Variants in EVA1A observed in about 807,000 individuals in gnomAD.
EVA1A encodes the protein protein eva-1 homolog A.
Under a neutral mutation model 9.8 loss-of-function variants are expected in EVA1A, and 7 were observed. The ratio of observed to expected loss-of-function variants is 0.71; its 90% CI spans 0.41 to 1.34. The LOEUF (loss-of-function observed/expected upper bound fraction) is 1.34, where lower values mean the gene tolerates loss of function less well. Among genes scored for constraint, EVA1A ranks in the 40% most tolerant of loss-of-function variants. EVA1A has a pLI of 0.01. For missense variants in EVA1A, 206 were observed against 205.9 expected (o/e 1.00, Z 0.00); for synonymous variants, 90 against 85.6 (o/e 1.05, Z -0.28).
At chr2:75,539,682 C>T (rs1005984791) in intron 1 of EVA1A, among the ~76,000 whole-genome samples, 1 of 152,002 alleles carries the variant, frequency 6.6e-6, no homozygotes, top group African/African-American at 2.4e-5. Flanking sequence ...TTCTTAAGTT[C>T]ATATAACCTT....
chr2:75,512,010 G>A (rs913393281), intron 3 of EVA1A, among the ~76,000 whole-genome samples: 1 of 151,838 alleles, frequency 6.6e-6, no homozygotes, highest in Non-Finnish European at 1.5e-5. Context: ...TAAGGAGAAG[G>A]TGATTTATTT....
chr2:75,493,169 C>A lies in EVA1A; in HGVS notation c.*67G>T. 1.0e-5 allele frequency: 16 copies of A among 1,533,054 alleles called. No individual in the cohort carries two copies. Among genetic ancestry groups the A allele is most frequent in the Non-Finnish European group, 1.3e-5 (15 of 1,140,688 alleles). The allele number at this position is 1,533,054 out of a possible 1,614,324, so 95.0% of individuals were successfully genotyped here. On this transcript the variant is annotated 3_prime_UTR_variant, in exon 4 of 4. Transcript: ENST00000393913. ...GCAGAGCTGGGTTCAGTTCCTTGTG[C>A]CCACTGTCCCTGCAGACGCTCTCCT...
At chr2:75,528,953 C>T (rs935521019) in intron 1 of EVA1A, among the ~76,000 whole-genome samples, 1 of 152,210 alleles carries the variant, frequency 6.6e-6, no homozygotes, top group Non-Finnish European at 1.5e-5. Context: ...ACCAGAGGTC[C>T]TGAATCTGTC....
At chr2:75,553,793 C>T (rs1676608171) in intron 1 of EVA1A, among the ~76,000 whole-genome samples, 1 of 152,184 alleles carries the variant, frequency 6.6e-6, no homozygotes, top group Non-Finnish European at 1.5e-5. Context: ...CCATTCCTGC[C>T]CTGTGTGACT....
rs547268548 is a variant in EVA1A at position 75,543,236 on chromosome 2, T to C, written c.-192+17444A>G. Among the ~76,000 whole-genome samples the C allele has an allele frequency of 4.6e-5, 7 of 152,264 alleles. No individual in the cohort carries two copies. The South Asian group carries it at 1.4e-3, about 32-fold the overall frequency. ...TGCTGACAGACTTGTGGATCCTTAATTCAGGACATTTTAAAAAGGCAATCA... is the reference window on the plus strand; with the variant it reads ...TGCTGACAGACTTGTGGATCCTTAACTCAGGACATTTTAAAAAGGCAATCA... On this transcript the variant is annotated intron_variant, in intron 1 of 3. Transcript: ENST00000393913.
chr2:75,496,694 CAT>C (rs1252979254), intron 3 of EVA1A, among the ~76,000 whole-genome samples: 2 of 152,040 alleles, frequency 1.3e-5, no homozygotes, highest in Non-Finnish European at 2.9e-5. Context: ...TTCTAAAACT[CAT>C]ATGGAACCAA....
intron 1 of EVA1A, among the ~76,000 whole-genome samples, chr2:75,544,492 C>T (rs1676256095): frequency 6.6e-6 from 1 of 152,142 alleles, no homozygotes; most frequent in South Asian, 2.1e-4. Flanking sequence ...TACTGCTTCT[C>T]TTGTGGCCGA....
At chr2:75,544,654 G>A (rs779138376) in intron 1 of EVA1A, among the ~76,000 whole-genome samples, 4 of 152,136 alleles carry the variant, frequency 2.6e-5, no homozygotes, top group African/African-American at 9.7e-5. Context: ...AACCTCTCAT[G>A]ATGATACAAC....
chr2:75,505,824 G>A (rs1173997246), intron 3 of EVA1A, among the ~76,000 whole-genome samples: 1 of 151,956 alleles, frequency 6.6e-6, no homozygotes, highest in Non-Finnish European at 1.5e-5. Context: ...AAAAAAAAGG[G>A]TAGGGAATTT....
At chr2:75,561,963 AC>A (rs1676934677), upstream of EVA1A, among the ~76,000 whole-genome samples, 1 of 152,198 alleles carries the variant, frequency 6.6e-6, no homozygotes, top group South Asian at 2.1e-4. Context: ...GCCAGTGACC[AC>A]GTGGATGACT....
rs554365528 is a variant in EVA1A, at chr2:75,518,666, C to T, written c.-68-458G>A. On this transcript the variant is annotated intron_variant, in intron 2 of 3. Coordinates refer to ENST00000393913, the MANE Select transcript of EVA1A (RefSeq NM_001135032.2). ...CACTTCTGGAACTCTTTATTTGATT[C>T]TCCCTGGTTCACCTTTGAGGCACAG... The T allele has an allele frequency of 1.0e-5, 10 of 987,796 alleles. No homozygotes were observed. In the South Asian group the frequency reaches 3.3e-4, roughly 32 times the overall value. The allele number at this position is 987,796 out of a possible 1,614,324, so 61.2% of individuals were successfully genotyped here. A position where few individuals can be genotyped will look rare whatever the true frequency, so the allele number is the denominator to read the frequency against.
chr2:75,569,169 A>G (rs972507248), intron 1 of EVA1A, among the ~76,000 whole-genome samples: 31 of 152,162 alleles, frequency 2.0e-4, no homozygotes, highest in African/African-American at 6.5e-4. Flanking sequence ...AATTTAATAA[A>G]TATTTTAATA....
upstream of EVA1A, among the ~76,000 whole-genome samples, chr2:75,562,157 C>T (rs141401081): frequency 1.8e-3 from 277 of 152,338 alleles, no homozygotes; most frequent in Non-Finnish European, 2.5e-3. Context: ...TTTGGAAGCA[C>T]TGGCTGCTAG....
intron 1 of EVA1A, 135 bp from the exon 2 acceptor site, chr2:75,522,622 C>T (rs2103860405): frequency 6.6e-6 from 1 of 152,402 alleles, no homozygotes; most frequent in Middle Eastern, 3.4e-3. Flanking sequence ...GGATGAATAG[C>T]ATCCCCAGAG....
intron 3 of EVA1A, among the ~76,000 whole-genome samples, chr2:75,496,014 C>T (rs930905567): frequency 7.9e-5 from 12 of 152,260 alleles, no homozygotes; most frequent in African/African-American, 2.2e-4. Flanking sequence ...GTTTCAAAGC[C>T]TATTCCCTTC....
chr2:75,522,877 C>A (rs1439715287), intron 1 of EVA1A, among the ~76,000 whole-genome samples: 2 of 152,232 alleles, frequency 1.3e-5, no homozygotes, highest in African/African-American at 4.8e-5. Context: ...CTGTTTCCTT[C>A]TAGCAATGCC....
intron 1 of EVA1A, among the ~76,000 whole-genome samples, chr2:75,545,787 T>C (rs1037635812): frequency 6.6e-6 from 1 of 152,086 alleles, no homozygotes; most frequent in Admixed American, 6.6e-5. Context: ...CCTCAGTCAG[T>C]GTCTCCTAGG....
intron 1 of EVA1A, among the ~76,000 whole-genome samples, chr2:75,527,636 A>C (rs1675498136): frequency 6.6e-6 from 1 of 152,268 alleles, no homozygotes. Context: ...GATTTTAAAA[A>C]TACTTCAACA....
rs1572961171 is a variant in EVA1A at position 75,518,865 on chromosome 2, G to A, written c.-68-657C>T. 4 of 985,324 alleles carry A rather than the reference G, an allele frequency of 4.1e-6. No individual in the cohort carries two copies. In the Admixed American group the frequency reaches 2.5e-4, roughly 61 times the overall value. 61.0% of individuals were successfully genotyped at this position (985,324 alleles called of 1,614,324 possible). On this transcript the variant is annotated intron_variant, in intron 2 of 3. Coordinates refer to ENST00000393913, the MANE Select transcript of EVA1A (RefSeq NM_001135032.2). ...TGTGTGCCTTTGGCAGTGGTTCAGA[G>A]CTGGCTATCCCAGAACTGCCAAAGC...
Sources: allele counts gnomAD v4.1 joint callset (sites outside exome capture counted in the v4.1 genomes callset), GRCh38; gene constraint gnomAD v4.1.1; transcripts MANE v1.5; gene names NCBI Gene and HGNC (gene_info 2026-07-23, HGNC 2026-07-21).